ROCK1: variants seen among roughly 807,000 people sequenced by gnomAD.
ROCK1 encodes Rho associated coiled-coil containing protein kinase 1.
ROCK1 carries 36 observed loss-of-function variants against 196.8 expected under a neutral mutation model. That is an observed-to-expected ratio of 0.18 (90% CI 0.14 to 0.24). ROCK1 has a LOEUF of 0.24. Among genes scored for constraint, ROCK1 ranks in the 10% least tolerant of loss-of-function variants. The pLI is 1.00. For missense variants in ROCK1, 920 were observed against 1,562.0 expected (o/e 0.59, Z 6.93); for synonymous variants, 443 against 515.9 (o/e 0.86, Z 1.91).
At chr18:20,970,295 A>C in intron 23 of ROCK1, 53 bp downstream of exon 23, 1 of 1,376,166 alleles carries the variant, frequency 7.3e-7, no homozygotes, top group Non-Finnish European at 1.0e-6. Context: ...TTAAGATGTG[A>C]CCTATTGTGA....
At chr18:21,074,404 T>C (rs2036412546) in intron 1 of ROCK1, among the ~76,000 whole-genome samples, 1 of 152,186 alleles carries the variant, frequency 6.6e-6, no homozygotes, top group South Asian at 2.1e-4. Flanking sequence ...ACAATGGCTC[T>C]TCCCAATCAG....
intron 1 of ROCK1, among the ~76,000 whole-genome samples, chr18:21,072,228 T>C (rs1482514413): frequency 6.6e-6 from 1 of 152,218 alleles, no homozygotes; most frequent in East Asian, 1.9e-4. Flanking sequence ...TAATTACATA[T>C]AGTCACTAAG....
intron 4 of ROCK1, among the ~76,000 whole-genome samples, chr18:21,045,977 G>C (rs1249859402): frequency 2.9e-4 from 36 of 125,822 alleles, no homozygotes; most frequent in African/African-American, 9.7e-4. Context: ...GTGGCGTGAT[G>C]TCGGCTCACT....
At chr18:21,009,452 T>C (rs993983046) in intron 13 of ROCK1, among the ~76,000 whole-genome samples, 8 of 152,182 alleles carry the variant, frequency 5.3e-5, no homozygotes, top group Non-Finnish European at 1.2e-4. Flanking sequence ...ACCATTCACC[T>C]ACTGTAGGAC....
intron 2 of ROCK1, among the ~76,000 whole-genome samples, chr18:21,058,736 T>C (rs1432825013): frequency 1.3e-5 from 2 of 152,190 alleles, no homozygotes; most frequent in South Asian, 2.1e-4. Flanking sequence ...CACAACACCA[T>C]GCACAACTAA....
chr18:20,983,244 A>C (rs2035549327), intron 20 of ROCK1, among the ~76,000 whole-genome samples: 1 of 150,462 alleles, frequency 6.6e-6, no homozygotes, highest in African/African-American at 2.5e-5. Context: ...AGTGCTACAT[A>C]TCATAGTACT....
chr18:20,966,557 G>A lies in ROCK1; in HGVS notation c.3352+360C>T, dbSNP rs1163161547. Among the ~76,000 whole-genome samples the A allele has an allele frequency of 3.3e-5, 5 of 152,296 alleles. No homozygotes were observed. In the South Asian group the frequency reaches 8.3e-4, roughly 25 times the overall value. On this transcript the variant is annotated intron_variant, in intron 27 of 32. Coordinates refer to ENST00000399799, the MANE Select transcript of ROCK1 (RefSeq NM_005406.3). ...GTTTTAGCACAAGAATACATAAAAT[G>A]TTAAAGAGCTATTACTCACAAAAAT...
chr18:21,071,421 C>T (rs2036384754), intron 1 of ROCK1, among the ~76,000 whole-genome samples: 1 of 152,092 alleles, frequency 6.6e-6, no homozygotes, highest in African/African-American at 2.4e-5. Context: ...AGCAATTGCT[C>T]CTGTCTCAGA....
chr18:20,950,036 T>C lies in ROCK1; in HGVS notation c.*1348A>G, dbSNP rs550998760. ...ACGATCGGTTTTCCAGTGCTTCTTA[T>C]CTGATACACATTACTGCAAAGCCAT... is the stretch of plus-strand genomic sequence containing the variant. On this transcript the variant is annotated 3_prime_UTR_variant, in exon 33 of 33. Coordinates refer to ENST00000399799, the MANE Select transcript of ROCK1 (RefSeq NM_005406.3). 1 of 152,798 alleles carries C rather than the reference T, an allele frequency of 6.5e-6. No homozygotes were observed. The highest frequency in any genetic ancestry group is 2.4e-5 in the African/African-American group (1 of 41,576). The allele number at this position is 152,798 out of a possible 1,614,324, so 9.5% of individuals were successfully genotyped here.
chr18:21,058,681 G>C lies in ROCK1; in HGVS notation c.176-8801C>G, dbSNP rs545351195. 1.7e-3 allele frequency among the ~76,000 whole-genome samples: 257 copies of C among 152,218 alleles called. 2 individuals are homozygous for C. Among genetic ancestry groups the C allele is most frequent in the African/African-American group, 6.0e-3 (249 of 41,516 alleles). On this transcript the variant is annotated intron_variant, in intron 2 of 32. Coordinates refer to ENST00000399799, the MANE Select transcript of ROCK1 (RefSeq NM_005406.3). ...CTGCAACCTCCACCTCGGAGTTCAA[G>C]CGATTCTCCCACCGCAGCCTCCCAA... is the stretch of plus-strand genomic sequence containing the variant.
chr18:21,017,254 CA>C (rs1485692982), intron 12 of ROCK1, among the ~76,000 whole-genome samples: 2 of 145,604 alleles, frequency 1.4e-5, no homozygotes, highest in Non-Finnish European at 1.5e-5. Context: ...TGCAGCAGCG[CA>C]ATCTCAGCTC....
In ROCK1 at chr18:20,984,398, TA is replaced by T; in HGVS notation, c.2441del (p.Leu814TyrfsTer8). The T allele has an allele frequency of 6.2e-7, 1 of 1,611,480 alleles. No homozygotes were observed. Among genetic ancestry groups the T allele is most frequent in the Non-Finnish European group, 8.5e-7 (1 of 1,179,026 alleles). ...EKQMKQEINT[L>X]LEAKRLLEFE... ...ATTCTAATAATCTCTTTGCTTCCAA[TA>T]AAGTATTTATTTCCTGTTTCATCTG... On this transcript the variant is annotated frameshift_variant, in exon 20 of 33. Transcript: ENST00000399799. LOFTEE classifies it high-confidence loss of function.
chr18:20,955,368 A>T, intron 29 of ROCK1, 123 bp from the exon 30 acceptor site: 2 of 957,152 alleles, frequency 2.1e-6, no homozygotes, highest in Non-Finnish European at 1.5e-6. Context: ...ATCAGTCATT[A>T]GAGAAATGCA....
chr18:20,972,764 A>C (rs1223754351), intron 22 of ROCK1, among the ~76,000 whole-genome samples: 1 of 152,208 alleles, frequency 6.6e-6, no homozygotes, highest in Non-Finnish European at 1.5e-5. Flanking sequence ...TGAATGCAAA[A>C]GTATGACTGG....
chr18:21,015,363 A>T (rs2035853908), intron 13 of ROCK1, 68 bp downstream of exon 13: 1 of 1,040,800 alleles, frequency 9.6e-7, no homozygotes, highest in African/African-American at 1.6e-5. Flanking sequence ...CAATTTTCTC[A>T]GGAAACGAAA....
rs28532370 is a variant in ROCK1 at position 21,019,211 on chromosome 18, C to T, written c.1361+940G>A. Among the ~76,000 whole-genome samples the T allele has an allele frequency of 9.9e-3, 1,511 of 152,098 alleles. 17 individuals carry two copies. The highest frequency in any genetic ancestry group is 0.035 in the African/African-American group (1,433 of 41,498). On this transcript the variant is annotated intron_variant, in intron 12 of 32. Coordinates refer to ENST00000399799, the MANE Select transcript of ROCK1 (RefSeq NM_005406.3). ...CTCTGTCGCCCAGGCTGGAGTGCAACGGTGTGATCTCGACTTCCTGCAACC... is the reference window on the plus strand; with the variant it reads ...CTCTGTCGCCCAGGCTGGAGTGCAATGGTGTGATCTCGACTTCCTGCAACC...
chr18:21,059,389 T>A (rs2036270184), intron 2 of ROCK1, among the ~76,000 whole-genome samples: 1 of 152,206 alleles, frequency 6.6e-6, no homozygotes, highest in African/African-American at 2.4e-5. Context: ...ATATTTCACC[T>A]AACAATCTGA....
chr18:21,077,835 T>C lies in ROCK1; in HGVS notation c.94-7222A>G, dbSNP rs546877159. 3.9e-5 allele frequency among the ~76,000 whole-genome samples: 6 copies of C among 152,310 alleles called. No homozygotes were observed. The East Asian group carries it at 5.8e-4, about 15-fold the overall frequency. ...GCAAAGACTGAGAGGTGGTTCTCTT[T>C]TTGTTTTCTGAGGCTTTTTTGGTAT... On this transcript the variant is annotated intron_variant, in intron 1 of 32. Transcript: ENST00000399799.
intron 29 of ROCK1, 168 bp from the exon 30 acceptor site, chr18:20,955,413 T>C: frequency 1.1e-6 from 1 of 887,950 alleles, no homozygotes; most frequent in Non-Finnish European, 1.6e-6. Context: ...TACACATCTA[T>C]CAGAGTTAAA....
Sources: gnomAD v4.1 joint callset for allele counts (sites outside exome capture counted in the v4.1 genomes callset) on GRCh38, gnomAD v4.1.1 for gene constraint, MANE v1.5 for transcripts, NCBI Gene and HGNC (gene_info 2026-07-23, HGNC 2026-07-21) for gene names.